ZNF251: variants seen among roughly 807,000 people sequenced by gnomAD.
ZNF251 encodes the protein zinc finger protein 251.
A neutral mutation model predicts 13.5 loss-of-function variants in ZNF251; 14 were observed. That is an observed-to-expected ratio of 1.04 (90% CI 0.69 to 1.63). The LOEUF is 1.63. ZNF251 is among the 40% of genes most tolerant of loss of function. The pLI is 0.00. For synonymous variants in ZNF251, 287 were observed against 295.2 expected (o/e 0.97, Z 0.28); for missense variants, 764 against 834.9 (o/e 0.92, Z 1.05).
chr8:144,729,479 G>A (rs1823627829), intron 4 of ZNF251, among the ~76,000 whole-genome samples: 1 of 151,440 alleles, frequency 6.6e-6, no homozygotes, highest in African/African-American at 2.4e-5. Context: ...TGGGACTACA[G>A]GCGCCCGCCA....
chr8:144,732,805 C>T (rs1823757331), intron 4 of ZNF251, among the ~76,000 whole-genome samples: 1 of 113,486 alleles, frequency 8.8e-6, no homozygotes, highest in Non-Finnish European at 1.8e-5. Flanking sequence ...GAGCGAGACT[C>T]CGTCTCAAAA....
At chr8:144,737,668 T>C (rs1823960992) in intron 4 of ZNF251, among the ~76,000 whole-genome samples, 1 of 150,444 alleles carries the variant, frequency 6.6e-6, no homozygotes, top group Admixed American at 6.6e-5. Flanking sequence ...CCGTCTCTAC[T>C]AAAAATAGAA....
In ZNF251 at chr8:144,755,464, G is replaced by C. The variant is rs948476889; in HGVS notation, c.-135C>G. On this transcript the variant is annotated 5_prime_UTR_variant, in exon 1 of 5. Coordinates refer to ENST00000292562, the MANE Select transcript of ZNF251 (RefSeq NM_138367.2). ...CGCCGAGGAGCTGCGCAGTCGCACC[G>C]AGCCCGGAACGGACCCTCCCACAGA... 2 of 1,287,698 alleles carry C rather than the reference G, an allele frequency of 1.6e-6. No individual in the cohort carries two copies. The highest frequency in any genetic ancestry group is 2.0e-6 in the Non-Finnish European group (2 of 988,758). 79.8% of individuals were successfully genotyped at this position (1,287,698 alleles called of 1,614,324 possible).
intron 4 of ZNF251, among the ~76,000 whole-genome samples, chr8:144,725,385 G>C (rs1035382212): frequency 2.6e-5 from 4 of 151,602 alleles, no homozygotes; most frequent in South Asian, 2.1e-4. Context: ...TGAACTCTTG[G>C]GATCAAGTGC....
chr8:144,753,876 T>G, intron 3 of ZNF251, 80 bp from the exon 4 acceptor site: 3 of 1,104,226 alleles, frequency 2.7e-6, no homozygotes, highest in Non-Finnish European at 3.9e-6. Flanking sequence ...GGGCCCTGTG[T>G]GCACGTGTGT....
intron 4 of ZNF251, among the ~76,000 whole-genome samples, chr8:144,746,276 TACATC>T (rs1473378522): frequency 2.6e-5 from 4 of 152,240 alleles, no homozygotes; most frequent in South Asian, 2.1e-4. Context: ...GTTGATGTGG[TACATC>T]ACATTACATT....
chr8:144,744,061 T>A (rs542024315), intron 4 of ZNF251, among the ~76,000 whole-genome samples: 3 of 143,604 alleles, frequency 2.1e-5, no homozygotes, highest in Non-Finnish European at 4.5e-5. Flanking sequence ...TCACCCAGGC[T>A]GGAGTGCAGT....
At chr8:144,738,935 G>A (rs56227941) in intron 4 of ZNF251, among the ~76,000 whole-genome samples, 52 of 152,082 alleles carry the variant, frequency 3.4e-4, no homozygotes, top group Admixed American at 5.9e-4. Flanking sequence ...ATAAATGCAG[G>A]GTGACACTTG....
At chr8:144,733,138 G>A (rs1053314520) in intron 4 of ZNF251, among the ~76,000 whole-genome samples, 7 of 151,980 alleles carry the variant, frequency 4.6e-5, no homozygotes, top group African/African-American at 1.7e-4. Context: ...AGAATTGCTT[G>A]AACCCGGGAG....
Position 144,734,331 on chromosome 8 carries a change from G to A in ZNF251, c.278-10949C>T, listed in dbSNP as rs141632292. Reference sequence around the variant, plus strand: ...TCCATGCTTTGTCCCTGTGGCTGTCGGCCCTGTCCCCCAACTCCAGCGGGT... The same window carrying A: ...TCCATGCTTTGTCCCTGTGGCTGTCAGCCCTGTCCCCCAACTCCAGCGGGT... On this transcript the variant is annotated intron_variant, in intron 4 of 4. Coordinates refer to ENST00000292562, the MANE Select transcript of ZNF251 (RefSeq NM_138367.2). This position sits in a 1 kb window ranked among gnomAD's most constrained non-coding sequence, Gnocchi z 4.4. Among the ~76,000 whole-genome samples, 1,070 of 152,274 alleles carry A rather than the reference G, an allele frequency of 7.0e-3. 6 individuals are homozygous for A. The highest frequency in any genetic ancestry group is 0.011 in the Non-Finnish European group (723 of 68,026).
chr8:144,749,303 A>G (rs1824579801), intron 4 of ZNF251, among the ~76,000 whole-genome samples: 1 of 152,130 alleles, frequency 6.6e-6, no homozygotes. Context: ...CCTGGACAAT[A>G]TGGTGAAACC....
chr8:144,747,107 T>C (rs1824464845), intron 4 of ZNF251, among the ~76,000 whole-genome samples: 1 of 152,236 alleles, frequency 6.6e-6, no homozygotes, highest in Admixed American at 6.5e-5. Context: ...ATGCTATAAA[T>C]TTCCCTCTAA....
chr8:144,755,277 C>A (rs1162740516), intron 1 of ZNF251, 128 bp downstream of exon 1: 2 of 1,211,150 alleles, frequency 1.7e-6, no homozygotes, highest in Non-Finnish European at 2.1e-6. Context: ...CTCTGCAGCC[C>A]GTCGGTGGCT....
At chr8:144,725,389 C>G (rs1823491142) in intron 4 of ZNF251, among the ~76,000 whole-genome samples, 1 of 151,956 alleles carries the variant, frequency 6.6e-6, no homozygotes, top group South Asian at 2.1e-4. Flanking sequence ...CTCTTGGGAT[C>G]AAGTGCTCCT....
At chr8:144,727,773 C>A (rs1014655571) in intron 4 of ZNF251, among the ~76,000 whole-genome samples, 1 of 152,168 alleles carries the variant, frequency 6.6e-6, no homozygotes, top group East Asian at 1.9e-4. Flanking sequence ...ATATGTTCAC[C>A]AGAATAGCAC....
At chr8:144,739,419 T>C (rs1056500580) in intron 4 of ZNF251, among the ~76,000 whole-genome samples, 22 of 151,970 alleles carry the variant, frequency 1.4e-4, no homozygotes, top group African/African-American at 5.1e-4. Flanking sequence ...CTCCCCCGCC[T>C]AAACTAGGAT....
rs1468490449 is a variant in ZNF251, at chr8:144,728,595, G to A, written c.278-5213C>T. ...GGAGAATAGCATGAACCCGGGAGGC[G>A]GAGCTTGCAGTGAGCCGAGATCGCG... On this transcript the variant is annotated intron_variant, in intron 4 of 4. Coordinates refer to ENST00000292562, the MANE Select transcript of ZNF251 (RefSeq NM_138367.2). Among the ~76,000 whole-genome samples, 6 of 150,674 alleles carry A rather than the reference G, an allele frequency of 4.0e-5. No homozygotes were observed. The East Asian group carries it at 1.2e-3, about 30-fold the overall frequency.
At chr8:144,733,704 C>A (rs1361170614) in intron 4 of ZNF251, among the ~76,000 whole-genome samples, 1 of 152,186 alleles carries the variant, frequency 6.6e-6, no homozygotes, top group Admixed American at 6.5e-5. Context: ...CCTCCATCCT[C>A]TCTCCTCGCG....
intron 4 of ZNF251, among the ~76,000 whole-genome samples, chr8:144,746,800 G>A (rs1260357827): frequency 6.6e-6 from 1 of 151,910 alleles, no homozygotes; most frequent in Non-Finnish European, 1.5e-5. Context: ...AAGTCTGTGG[G>A]ACATCTCTGT....
Sources: allele counts gnomAD v4.1 joint callset (sites outside exome capture counted in the v4.1 genomes callset), GRCh38; gene constraint gnomAD v4.1.1; non-coding constraint Gnocchi (gnomAD v3.1); transcripts MANE v1.5; gene names NCBI Gene and HGNC (gene_info 2026-07-23, HGNC 2026-07-21).